Variants in PAX5 observed in about 807,000 individuals in gnomAD.
PAX5 encodes paired box protein Pax-5.
In PAX5, 9 loss-of-function variants were observed where a neutral mutation model predicts 43.7. The observed-to-expected ratio is 0.21, with a 90% CI of 0.12 to 0.36. The LOEUF (loss-of-function observed/expected upper bound fraction) is 0.36, where lower values mean the gene tolerates loss of function less well. Ranked by LOEUF, PAX5 falls within the 10% of genes least tolerant of loss-of-function variation. PAX5 has a pLI of 1.00. For synonymous variants in PAX5, 228 were observed against 214.3 expected (o/e 1.06, Z -0.56); for missense variants, 383 against 532.7 (o/e 0.72, Z 2.77).
intron 6 of PAX5, among the ~76,000 whole-genome samples, chr9:36,931,678 A>C (rs527571301): frequency 6.6e-6 from 1 of 152,040 alleles, no homozygotes; most frequent in East Asian, 1.9e-4. Flanking sequence ...GTGAAACCCC[A>C]TCTCTACTAT....
intron 5 of PAX5, among the ~76,000 whole-genome samples, chr9:36,998,576 C>T (rs930971673): frequency 5.9e-5 from 9 of 152,188 alleles, no homozygotes; most frequent in African/African-American, 1.4e-4. Context: ...ATACAGCAGC[C>T]GCTAGTCCTA....
intron 8 of PAX5, among the ~76,000 whole-genome samples, chr9:36,861,657 C>T (rs571409646): frequency 6.6e-6 from 1 of 151,866 alleles, no homozygotes; most frequent in East Asian, 2.0e-4. Context: ...AGTGCAAAGG[C>T]CCTGGGGCAG....
rs1821504660 is a variant in PAX5 at position 36,834,455 on chromosome 9, T to TC, written c.*6104_*6105insG. 4.3e-6 allele frequency: 1 copy of TC among 232,756 alleles called. No individual in the cohort carries two copies. Among genetic ancestry groups the TC allele is most frequent in the South Asian group, 1.8e-4 (1 of 5,454 alleles). 14.4% of individuals were successfully genotyped at this position (232,756 alleles called of 1,614,324 possible). A position where few individuals can be genotyped will look rare whatever the true frequency, so the allele number is the denominator to read the frequency against. On this transcript the variant is annotated 3_prime_UTR_variant, in exon 10 of 10. Transcript: ENST00000358127. ...GTGTGTGTGTGTGTGTGTGTGTGTT[T>TC]ACATGCTCGTGCACCTTATGGAGGG...
intron 4 of PAX5, 117 bp from the exon 5 acceptor site, chr9:37,002,893 G>A: frequency 7.8e-7 from 1 of 1,281,916 alleles, no homozygotes; most frequent in Non-Finnish European, 1.1e-6. Context: ...TGGGCAGGGG[G>A]CGCTGAGGAC....
At chr9:36,919,255 A>C (rs1166952451) in intron 7 of PAX5, among the ~76,000 whole-genome samples, 2 of 152,158 alleles carry the variant, frequency 1.3e-5, no homozygotes, top group Non-Finnish European at 2.9e-5. Context: ...CCTACTGCTC[A>C]GAAAAAAAAA....
At position 36,985,127 on chromosome 9, in the gene PAX5, G is replaced by A. The variant is rs79771110; in HGVS notation, c.604+17521C>T. Among the ~76,000 whole-genome samples, 50 of 152,290 alleles carry A rather than the reference G, an allele frequency of 3.3e-4. 1 individual carries two copies. In the East Asian group the frequency reaches 9.5e-3, roughly 29 times the overall value. On this transcript the variant is annotated intron_variant, in intron 5 of 9. Coordinates refer to ENST00000358127, the MANE Select transcript of PAX5 (RefSeq NM_016734.3). Reference sequence around the variant, plus strand: ...CTGCATCATGCTGCCTCTCAAACACGCTGGGCATCAGTTTGTCCGTCTTCA... The same window carrying A: ...CTGCATCATGCTGCCTCTCAAACACACTGGGCATCAGTTTGTCCGTCTTCA...
chr9:36,935,296 C>T (rs1432247853), intron 6 of PAX5, among the ~76,000 whole-genome samples: 2 of 152,188 alleles, frequency 1.3e-5, no homozygotes, highest in Non-Finnish European at 2.9e-5. Flanking sequence ...AGGAGAATTG[C>T]TTGAACCCGG....
chr9:36,904,614 GA>G (rs912908030), intron 7 of PAX5, among the ~76,000 whole-genome samples: 7 of 145,538 alleles, frequency 4.8e-5, no homozygotes, highest in African/African-American at 7.5e-5. Context: ...ACTTGGCCAA[GA>G]AAAAAAAAAG....
intron 1 of PAX5, among the ~76,000 whole-genome samples, chr9:37,025,452 T>TG (rs1208751151): frequency 6.6e-6 from 1 of 151,876 alleles, no homozygotes; most frequent in Non-Finnish European, 1.5e-5. Flanking sequence ...GGACCAGGCA[T>TG]GGGGACGGCT....
intron 1 of PAX5, among the ~76,000 whole-genome samples, chr9:37,024,673 T>TGG (rs1840146640): frequency 6.6e-6 from 1 of 151,726 alleles, no homozygotes; most frequent in African/African-American, 2.4e-5. Context: ...AGATTGAAAA[T>TGG]GGGAGGGAGC....
intron 6 of PAX5, among the ~76,000 whole-genome samples, chr9:36,959,797 A>G (rs1335118264): frequency 1.3e-5 from 2 of 152,200 alleles, no homozygotes; most frequent in East Asian, 1.9e-4. Context: ...GGGGTACCCC[A>G]ATGGCCACCA....
chr9:36,930,373 G>A (rs1385718086), intron 6 of PAX5, among the ~76,000 whole-genome samples: 3 of 151,742 alleles, frequency 2.0e-5, no homozygotes, highest in South Asian at 2.1e-4. Flanking sequence ...ACAGGCACAC[G>A]CCACCACACC....
intron 6 of PAX5, among the ~76,000 whole-genome samples, chr9:36,952,030 T>C (rs1329593898): frequency 6.6e-6 from 1 of 152,184 alleles, no homozygotes; most frequent in Admixed American, 6.5e-5. Context: ...TTTCCTACTT[T>C]GTTTTAAACT....
At chr9:36,866,504 C>G (rs1375394300) in intron 8 of PAX5, among the ~76,000 whole-genome samples, 1 of 152,096 alleles carries the variant, frequency 6.6e-6, no homozygotes, top group Non-Finnish European at 1.5e-5. Context: ...GTCCCAGGGC[C>G]TGGGAGAGGA....
At chr9:36,990,126 C>A (rs1321071234) in intron 5 of PAX5, among the ~76,000 whole-genome samples, 1 of 152,128 alleles carries the variant, frequency 6.6e-6, no homozygotes, top group Non-Finnish European at 1.5e-5. Context: ...GTTTTTCAAG[C>A]AGTGGGAAGA....
chr9:36,879,452 C>T (rs537418786), intron 8 of PAX5, among the ~76,000 whole-genome samples: 21 of 152,262 alleles, frequency 1.4e-4, no homozygotes, highest in African/African-American at 4.8e-4. Context: ...GAACAGGTTC[C>T]GGGGCTGTCC....
chr9:36,880,933 T>C (rs10758411), intron 8 of PAX5, among the ~76,000 whole-genome samples: 106,785 of 152,138 alleles, frequency 0.7, 38,385 homozygotes, highest in East Asian at 0.79. Context: ...TAGGAGGAGA[T>C]AAGGCCCTTA....
rs76417668 is a variant in PAX5, at chr9:36,926,214, C to T, written c.781-2730G>A. ...TCTGACTCCAAAACCTTGACAATGACCCTAATGATCTTTATACTCTCAGTA... is the reference window on the plus strand; with the variant it reads ...TCTGACTCCAAAACCTTGACAATGATCCTAATGATCTTTATACTCTCAGTA... On this transcript the variant is annotated intron_variant, in intron 6 of 9. Transcript: ENST00000358127. Among the ~76,000 whole-genome samples the T allele has an allele frequency of 4.9e-3, 745 of 152,260 alleles. 5 individuals carry two copies. The highest frequency in any genetic ancestry group is 0.017 in the African/African-American group (704 of 41,552).
chr9:36,970,478 G>A lies in PAX5; in HGVS notation c.605-3754C>T, dbSNP rs117517721. ...TGCTGCAGGAGTCTTGAGGAGCTAC[G>A]GGAAGGGCTGGGGAAACATGTGCCC... On this transcript the variant is annotated intron_variant, in intron 5 of 9. Coordinates refer to ENST00000358127, the MANE Select transcript of PAX5 (RefSeq NM_016734.3). Among the ~76,000 whole-genome samples, 1,411 of 152,254 alleles carry A rather than the reference G, an allele frequency of 9.3e-3. 6 individuals carry two copies. The highest frequency in any genetic ancestry group is 0.034 in the South Asian group (166 of 4,818).
Sources: gnomAD v4.1 joint callset for allele counts (sites outside exome capture counted in the v4.1 genomes callset) on GRCh38, gnomAD v4.1.1 for gene constraint, MANE v1.5 for transcripts, NCBI Gene and HGNC (gene_info 2026-07-23, HGNC 2026-07-21) for gene names.